Variants in ADAMTSL1 observed in about 807,000 individuals in gnomAD.
The protein encoded by ADAMTSL1 is ADAMTS-like protein 1.
A neutral mutation model predicts 201.8 loss-of-function variants in ADAMTSL1; 126 were observed. That is an observed-to-expected ratio of 0.62 (90% CI 0.54 to 0.72). ADAMTSL1 has a LOEUF of 0.72. Among genes scored for constraint, ADAMTSL1 ranks in the 30% least tolerant of loss-of-function variants. ADAMTSL1 has a pLI of 0.00. For missense variants in ADAMTSL1, 2,679 were observed against 2,277.8 expected (o/e 1.18, Z -3.59); for synonymous variants, 1,121 against 903.4 (o/e 1.24, Z -4.32).
chr9:18,120,997 G>A lies in ADAMTSL1; in HGVS notation c.88-42865G>A, dbSNP rs866977988. On this transcript the variant is annotated intron_variant, in intron 1 of 29. Transcript: ENST00000680146. ...CCCAGAATGTGGAAGTCATACCAAAGCTTTTATTTATTTTTTTTCCCCTTA... is the reference window on the plus strand; with the variant it reads ...CCCAGAATGTGGAAGTCATACCAAAACTTTTATTTATTTTTTTTCCCCTTA... 2.6e-5 allele frequency among the ~76,000 whole-genome samples: 4 copies of A among 151,852 alleles called. 1 individual carries two copies. In the South Asian group the frequency reaches 8.3e-4, roughly 32 times the overall value.
chr9:18,901,494 A>C (rs1830014920), intron 26 of ADAMTSL1, among the ~76,000 whole-genome samples: 1 of 152,226 alleles, frequency 6.6e-6, no homozygotes, highest in African/African-American at 2.4e-5. Context: ...GTGAATATAC[A>C]GCATATAGAT....
In ADAMTSL1 at chr9:18,086,524, G is replaced by A. The variant is rs556038410; in HGVS notation, c.88-77338G>A. 1.3e-5 allele frequency among the ~76,000 whole-genome samples: 2 copies of A among 152,180 alleles called. 1 individual carries two copies. The highest frequency in any genetic ancestry group is 4.2e-4 in the South Asian group (2 of 4,818). ...CTAATGTTGCCTCTTTGAATTCCAT[G>A]ACTATGATAATTACATTCTTTTACC... On this transcript the variant is annotated intron_variant, in intron 1 of 29. Coordinates refer to the ADAMTSL1 transcript ENST00000680146.
chr9:18,507,795 T>C (rs1443652613), intron 2 of ADAMTSL1, among the ~76,000 whole-genome samples: 2 of 152,186 alleles, frequency 1.3e-5, no homozygotes, highest in African/African-American at 2.4e-5. Flanking sequence ...CAGCTTCTGT[T>C]GCAGAGAACT....
At chr9:18,423,791 A>T (rs1275719167) in intron 2 of ADAMTSL1, among the ~76,000 whole-genome samples, 1 of 152,240 alleles carries the variant, frequency 6.6e-6, no homozygotes, top group Non-Finnish European at 1.5e-5. Context: ...CTTACTTGCA[A>T]TGTAGGGACA....
chr9:18,344,038 T>G (rs1456645998), intron 2 of ADAMTSL1, among the ~76,000 whole-genome samples: 1 of 152,134 alleles, frequency 6.6e-6, no homozygotes, highest in Non-Finnish European at 1.5e-5. Flanking sequence ...TTCCCCAGAA[T>G]TACTTCATCT....
intron 23 of ADAMTSL1, among the ~76,000 whole-genome samples, chr9:18,875,906 T>C (rs1048230530): frequency 1.3e-5 from 2 of 152,146 alleles, no homozygotes; most frequent in African/African-American, 4.8e-5. Context: ...GTAATGATTG[T>C]TTTATAAGTT....
At chr9:18,696,126 G>T (rs1228404104) in intron 13 of ADAMTSL1, among the ~76,000 whole-genome samples, 2 of 152,158 alleles carry the variant, frequency 1.3e-5, no homozygotes, top group East Asian at 3.9e-4. Context: ...CTCCCACCAG[G>T]TCCCTCCTCC....
Position 18,656,650 on chromosome 9 carries a change from A to AAT in ADAMTSL1, c.835-989_835-988insAT, listed in dbSNP as rs71506010. ...TCGCAAAAAAAAAAAAAAAAAGAAA[A>AAT]TGTTAAGACTGAAAAACACTTAACA... On this transcript the variant is annotated intron_variant, in intron 7 of 28. Transcript: ENST00000380548. Among the ~76,000 whole-genome samples the AAT allele has an allele frequency of 6.1e-5, 9 of 148,382 alleles. 2 individuals are homozygous for AAT. The highest frequency in any genetic ancestry group is 6.9e-5 in the Admixed American group (1 of 14,434).
At chr9:18,197,563 CT>C (rs1471046006) in intron 2 of ADAMTSL1, among the ~76,000 whole-genome samples, 3 of 143,518 alleles carry the variant, frequency 2.1e-5, no homozygotes, top group Admixed American at 1.4e-4. Context: ...TGCTTATCAG[CT>C]TAAGGAGATT....
At chr9:18,230,110 A>G (rs1432002346) in intron 2 of ADAMTSL1, among the ~76,000 whole-genome samples, 1 of 152,204 alleles carries the variant, frequency 6.6e-6, no homozygotes, top group Non-Finnish European at 1.5e-5. Context: ...TGCCTGGTGA[A>G]AACAAACAAA....
At chr9:17,930,100 G>A (rs754098350) in intron 1 of ADAMTSL1, among the ~76,000 whole-genome samples, 1 of 152,110 alleles carries the variant, frequency 6.6e-6, no homozygotes, top group Non-Finnish European at 1.5e-5. Context: ...AGAAATATTA[G>A]CTACTATAGT....
chr9:18,682,753 C>A (rs547174143), intron 12 of ADAMTSL1, among the ~76,000 whole-genome samples: 164 of 152,188 alleles, frequency 1.1e-3, no homozygotes, highest in African/African-American at 3.8e-3. Flanking sequence ...TCTGAAAAAT[C>A]AGTCACAGTG....
intron 1 of ADAMTSL1, among the ~76,000 whole-genome samples, chr9:18,005,111 G>C (rs546143776): frequency 6.6e-6 from 1 of 152,090 alleles, no homozygotes; most frequent in Non-Finnish European, 1.5e-5. Context: ...TAATGAGGGC[G>C]AAGATTCAAG....
intron 1 of ADAMTSL1, among the ~76,000 whole-genome samples, chr9:18,486,519 C>T (rs1587350483): frequency 6.6e-6 from 1 of 152,100 alleles, no homozygotes; most frequent in East Asian, 1.9e-4. Context: ...ACCTGGGCAA[C>T]ATGGCAAAAC....
intron 1 of ADAMTSL1, among the ~76,000 whole-genome samples, chr9:18,079,848 G>T (rs2131768706): frequency 6.6e-6 from 1 of 152,254 alleles, no homozygotes; most frequent in Admixed American, 6.5e-5. Flanking sequence ...TGTTCCTAAA[G>T]GGGTGATTTT....
chr9:18,175,022 G>C (rs1405241178), intron 2 of ADAMTSL1, among the ~76,000 whole-genome samples: 2 of 152,120 alleles, frequency 1.3e-5, no homozygotes, highest in African/African-American at 2.4e-5. Context: ...TTTGCTAAGA[G>C]AAAATATCTG....
intron 9 of ADAMTSL1, among the ~76,000 whole-genome samples, chr9:18,672,482 G>T (rs778925301): frequency 4.5e-4 from 69 of 152,060 alleles, no homozygotes; most frequent in Non-Finnish European, 4.4e-5. Context: ...ACTAACCACT[G>T]TTGAGAGTTT....
chr9:18,737,968 C>T (rs1013279984), intron 15 of ADAMTSL1, among the ~76,000 whole-genome samples: 1 of 152,176 alleles, frequency 6.6e-6, no homozygotes, highest in Admixed American at 6.5e-5. Context: ...CCTCTCTGTC[C>T]TCATTTGCTT....
intron 1 of ADAMTSL1, among the ~76,000 whole-genome samples, chr9:17,951,471 C>G (rs1247289189): frequency 1.3e-5 from 2 of 152,146 alleles, no homozygotes; most frequent in African/African-American, 4.8e-5. Context: ...ACATTCTAAC[C>G]ATGCTATTTT....
Sources: allele counts gnomAD v4.1 joint callset (sites outside exome capture counted in the v4.1 genomes callset), GRCh38; gene constraint gnomAD v4.1.1; transcripts MANE v1.5; gene names NCBI Gene and HGNC (gene_info 2026-07-23, HGNC 2026-07-21).